Variants in CNTN5 observed in about 807,000 individuals in gnomAD.
The protein encoded by CNTN5 is contactin-5.
A neutral mutation model predicts 129.1 loss-of-function variants in CNTN5; 77 were observed. That is an observed-to-expected ratio of 0.60 (90% confidence interval 0.50 to 0.72). The LOEUF (loss-of-function observed/expected upper bound fraction) is 0.72, where lower values mean the gene tolerates loss of function less well. Ranked by LOEUF, CNTN5 falls within the 30% of genes least tolerant of loss-of-function variation. CNTN5 has a pLI of 0.00. For missense variants in CNTN5, 1,478 were observed against 1,328.8 expected (o/e 1.11, Z -1.75); for synonymous variants, 509 against 465.6 (o/e 1.09, Z -1.20).
At chr11:99,330,658 C>T (rs1400482421) in intron 2 of CNTN5, among the ~76,000 whole-genome samples, 4 of 152,064 alleles carry the variant, frequency 2.6e-5, no homozygotes, top group Non-Finnish European at 5.9e-5. Context: ...GAAGCAGCCA[C>T]AGTGGCCTCA....
chr11:99,483,594 T>C (rs1367955621), intron 2 of CNTN5, among the ~76,000 whole-genome samples: 1 of 152,124 alleles, frequency 6.6e-6, no homozygotes, highest in African/African-American at 2.4e-5. Context: ...GTGCCAGCTG[T>C]GACCAATTAT....
chr11:99,795,068 T>C (rs529007953), intron 3 of CNTN5, among the ~76,000 whole-genome samples: 15 of 152,370 alleles, frequency 9.8e-5, no homozygotes, highest in African/African-American at 3.4e-4. Context: ...CAGTGAATCA[T>C]AGATTTGCTT....
intron 3 of CNTN5, among the ~76,000 whole-genome samples, chr11:99,721,570 C>G (rs1943174189): frequency 6.6e-6 from 1 of 151,820 alleles, no homozygotes; most frequent in Non-Finnish European, 1.5e-5. Context: ...GGCATAGGAA[C>G]CAACAAAGAT....
chr11:99,888,567 AAG>A (rs1309460391), intron 6 of CNTN5, among the ~76,000 whole-genome samples: 1 of 152,168 alleles, frequency 6.6e-6, no homozygotes, highest in Non-Finnish European at 1.5e-5. Flanking sequence ...GGCATCAAGA[AAG>A]AGAGCTGAAA....
chr11:99,661,736 A>G (rs4606449), intron 3 of CNTN5, among the ~76,000 whole-genome samples: 1 of 152,126 alleles, frequency 6.6e-6, no homozygotes, highest in African/African-American at 2.4e-5. Flanking sequence ...ATATAAATGT[A>G]TCAAAGATTA....
chr11:100,271,143 A>G lies in CNTN5; in HGVS notation c.2216A>G (p.Asn739Ser). The G allele has an allele frequency of 6.2e-7, 1 of 1,613,112 alleles. No individual in the cohort carries two copies. Among genetic ancestry groups the G allele is most frequent in the Non-Finnish European group, 8.5e-7 (1 of 1,179,498 alleles). ...DMESAMAVDL[N>S]PWVEYEFRVV... ...GAGTCAGCCATGGCTGTGGACCTAAATCCCTGGGTGGAATATGAATTTCGA... is the reference window on the plus strand; with the variant it reads ...GAGTCAGCCATGGCTGTGGACCTAAGTCCCTGGGTGGAATATGAATTTCGA... Residue 739 changes from asparagine (N) to serine (S), a missense_variant, in exon 18 of 25, where the codon AAT (asparagine) becomes AGT (serine). Physicochemically the swap from Asn to Ser is conservative, Grantham distance 46 (BLOSUM62 1). Coordinates refer to ENST00000524871, the MANE Select transcript of CNTN5 (RefSeq NM_014361.4).
At chr11:99,856,518 G>T (rs989165402) in intron 6 of CNTN5, among the ~76,000 whole-genome samples, 1 of 152,166 alleles carries the variant, frequency 6.6e-6, no homozygotes, top group Non-Finnish European at 1.5e-5. Context: ...TGTGATCAGA[G>T]TAACTTCTGT....
chr11:99,303,425 A>G (rs956319860), intron 1 of CNTN5, among the ~76,000 whole-genome samples: 8 of 151,440 alleles, frequency 5.3e-5, no homozygotes, highest in African/African-American at 1.9e-4. Context: ...CAGATTTGAG[A>G]CACATTTATC....
At chr11:99,472,641 C>A (rs143086197) in intron 2 of CNTN5, among the ~76,000 whole-genome samples, 10 of 152,092 alleles carry the variant, frequency 6.6e-5, no homozygotes, top group Admixed American at 2.0e-4. Flanking sequence ...TGGAAACATA[C>A]ATGCATTAGC....
intron 1 of CNTN5, among the ~76,000 whole-genome samples, chr11:99,310,879 G>T (rs1329536848): frequency 6.6e-6 from 1 of 152,074 alleles, no homozygotes; most frequent in Non-Finnish European, 1.5e-5. Context: ...ATTAAGATGA[G>T]CATATACCTT....
intron 3 of CNTN5, among the ~76,000 whole-genome samples, chr11:99,636,131 T>C (rs1951541971): frequency 6.6e-6 from 1 of 152,072 alleles, no homozygotes; most frequent in South Asian, 2.1e-4. Flanking sequence ...GGAAAATAGA[T>C]ACCCATATGC....
chr11:99,072,884 G>A (rs1280885708), intron 1 of CNTN5, among the ~76,000 whole-genome samples: 1 of 151,982 alleles, frequency 6.6e-6, no homozygotes, highest in Admixed American at 6.6e-5. Context: ...CCAGCCAATA[G>A]CACCTTCTTC....
At chr11:99,959,814 C>G (rs1591483461) in intron 8 of CNTN5, among the ~76,000 whole-genome samples, 1 of 152,192 alleles carries the variant, frequency 6.6e-6, no homozygotes, top group Non-Finnish European at 1.5e-5. Flanking sequence ...TGCTAAATTT[C>G]TGTTACATCG....
intron 3 of CNTN5, among the ~76,000 whole-genome samples, chr11:99,664,793 T>C (rs1952723395): frequency 6.6e-6 from 1 of 152,170 alleles, no homozygotes; most frequent in African/African-American, 2.4e-5. Flanking sequence ...GAAATATTTA[T>C]TACTACTGAA....
chr11:99,439,945 G>A (rs1943760685), intron 2 of CNTN5, among the ~76,000 whole-genome samples: 1 of 151,904 alleles, frequency 6.6e-6, no homozygotes, highest in East Asian at 1.9e-4. Context: ...TGTAATAAAA[G>A]ACAAAATGTA....
chr11:100,168,308 G>A (rs959438684), intron 13 of CNTN5, among the ~76,000 whole-genome samples: 20 of 151,960 alleles, frequency 1.3e-4, no homozygotes, highest in African/African-American at 4.8e-4. Context: ...GGAAGAGGAT[G>A]CCGTCTACGA....
intron 13 of CNTN5, among the ~76,000 whole-genome samples, chr11:100,127,610 T>C (rs1255647562): frequency 6.6e-6 from 1 of 151,014 alleles, no homozygotes; most frequent in Non-Finnish European, 1.5e-5. Context: ...GCCAAATGAA[T>C]CTTAATGGTT....
intron 17 of CNTN5, among the ~76,000 whole-genome samples, chr11:100,259,580 G>A (rs572986566): frequency 6.6e-6 from 1 of 151,906 alleles, no homozygotes; most frequent in East Asian, 1.9e-4. Context: ...AATAATGGAA[G>A]TAATAACAAA....
intron 3 of CNTN5, among the ~76,000 whole-genome samples, chr11:99,644,428 C>G (rs1487994177): frequency 6.6e-6 from 1 of 152,134 alleles, no homozygotes; most frequent in East Asian, 1.9e-4. Context: ...CTCTATATCA[C>G]TTCATAACTA....
Sources: gnomAD v4.1 joint callset for allele counts (sites outside exome capture counted in the v4.1 genomes callset) on GRCh38, gnomAD v4.1.1 for gene constraint, MANE v1.5 for transcripts, NCBI Gene and HGNC (gene_info 2026-07-23, HGNC 2026-07-21) for gene names.